APC: variants seen among roughly 807,000 people sequenced by gnomAD.
APC encodes adenomatous polyposis coli protein.
In APC, 72 loss-of-function variants were observed where a neutral mutation model predicts 247.0. That is an observed-to-expected ratio of 0.29 (90% confidence interval 0.24 to 0.35). The LOEUF (loss-of-function observed/expected upper bound fraction) is 0.35. Among genes scored for constraint, APC ranks in the 10% least tolerant of loss-of-function variants. APC has a pLI of 1.00. For synonymous variants in APC, 1,254 were observed against 1,162.5 expected, an observed-to-expected ratio of 1.08 and a Z score of -1.60; for missense variants, 3,400 against 3,360.7, an observed-to-expected ratio of 1.01 and a Z score of -0.29.
chr5:112,802,501 C>G (rs999909123), intron 8 of APC, among the ~76,000 whole-genome samples: 4 of 152,050 alleles, frequency 2.6e-5, no homozygotes, highest in African/African-American at 9.7e-5. Context: ...AGGAATAGAT[C>G]TACTCGTAGT....
rs761133356 is a variant in APC at position 112,843,261 on chromosome 5, C to T, written c.7667C>T (p.Ser2556Leu). The part of the protein sequence containing the change: ...TWKREHSKHS[S>L]SLPRVSTWRR... ...AAACGTGAGCACAGCAAACATTCAT[C>T]ATCCCTTCCTCGAGTAAGCACTTGG... The change falls in exon 16 of 16, where the codon TCA (serine) becomes TTA (leucine). Residue 2556 changes from serine to leucine, a missense_variant. Ser to Leu is a moderately radical substitution (Grantham distance 145, BLOSUM62 -2). Coordinates refer to ENST00000257430, the MANE Select transcript of APC (RefSeq NM_000038.6). This position sits in a 1 kb window ranked among gnomAD's most constrained non-coding sequence, Gnocchi z 4.8. The T allele has an allele frequency of 2.5e-6, 4 of 1,613,674 alleles. No individual in the cohort carries two copies. Among genetic ancestry groups the T allele is most frequent in the Non-Finnish European group, 2.5e-6 (3 of 1,179,606 alleles).
At position 112,801,264 on chromosome 5, in the gene APC, A is replaced by G. The variant is rs750846755; in HGVS notation, c.730-15A>G. ...ACCATTTTTGCATGTACTGATGTTA[A>G]CTCCATCTTAACAGAGGTCATCTCA... On this transcript the variant is annotated splice_polypyrimidine_tract_variant and intron_variant, in intron 7 of 15. Transcript: ENST00000257430. 2.5e-6 allele frequency: 4 copies of G among 1,609,048 alleles called. No homozygotes were observed. The South Asian group carries it at 4.4e-5, about 18-fold the overall frequency.
At chr5:112,777,311 A>G (rs1248578963) in intron 5 of APC, among the ~76,000 whole-genome samples, 2 of 152,188 alleles carry the variant, frequency 1.3e-5, no homozygotes, top group African/African-American at 2.4e-5. Flanking sequence ...GAAACCCAGA[A>G]TGGTCCTTAG....
At chr5:112,714,545 C>G (rs536994060) in intron 1 of APC, among the ~76,000 whole-genome samples, 1 of 152,332 alleles carries the variant, frequency 6.6e-6, no homozygotes, top group South Asian at 2.1e-4. Context: ...TCATTCTGCT[C>G]CATTATTCCC....
At chr5:112,833,128 C>T (rs1361536037) in intron 14 of APC, among the ~76,000 whole-genome samples, 5 of 151,786 alleles carry the variant, frequency 3.3e-5, no homozygotes, top group Non-Finnish European at 7.4e-5. Flanking sequence ...AGCCTCCCGC[C>T]TCAGCTTCTC....
At chr5:112,715,942 G>T (rs1199544295) in intron 1 of APC, among the ~76,000 whole-genome samples, 2 of 151,946 alleles carry the variant, frequency 1.3e-5, no homozygotes, top group African/African-American at 4.8e-5. Flanking sequence ...AATATTCTGT[G>T]GTCCTTTTAA....
rs1763322609 is a variant in APC at position 112,823,284 on chromosome 5, A to G, written c.1408+1293A>G. On this transcript the variant is annotated intron_variant, in intron 11 of 15. Coordinates refer to ENST00000257430, the MANE Select transcript of APC (RefSeq NM_000038.6). ...TTTCAAAATAAAACCTAGACTCAGT[A>G]TTTGTTCCTCTTCCTTCTTCAGGTA... 1.3e-5 allele frequency: 2 copies of G among 152,606 alleles called. 1 individual carries two copies. Among genetic ancestry groups the G allele is most frequent in the African/African-American group, 4.8e-5 (2 of 41,440 alleles). 9.5% of individuals were successfully genotyped at this position (152,606 alleles called of 1,614,324 possible). A position where few individuals can be genotyped will look rare whatever the true frequency, so the allele number is the denominator to read the frequency against.
chr5:112,822,665 A>T (rs1363091289), intron 11 of APC, among the ~76,000 whole-genome samples: 4 of 152,074 alleles, frequency 2.6e-5, no homozygotes, highest in Non-Finnish European at 5.9e-5. Context: ...GGTATTTATA[A>T]ATTGCATCAT....
Position 112,840,146 on chromosome 5 carries a change from A to G in APC, c.4552A>G (p.Lys1518Glu), listed in dbSNP as rs1554085958. Residue 1518 changes from lysine to glutamate, a missense_variant, in exon 16 of 16, where the codon AAA becomes GAA. By Grantham distance (56) the Lys-to-Glu change is moderately conservative. Around this residue, in one of 9 missense-constraint regions of APC, gnomAD observed 1,788 missense variants for 1,649.5 expected, o/e 1.08. Coordinates refer to ENST00000257430, the MANE Select transcript of APC (RefSeq NM_000038.6). The surrounding 1 kb of genome is among the most constrained non-coding windows in gnomAD (Gnocchi z 4.1). Reference protein sequence around the residue: ...ALSLDEPFIQKDVELRIMPPV... With the variant: ...ALSLDEPFIQEDVELRIMPPV... ...GAGCCTCGATGAGCCATTTATACAG[A>G]AAGATGTGGAATTAAGAATAATGCC... The G allele has an allele frequency of 1.2e-6, 2 of 1,614,158 alleles. No individual in the cohort carries two copies. The highest frequency in any genetic ancestry group is 1.7e-6 in the Non-Finnish European group (2 of 1,180,024).
rs370811778 is a variant in APC at position 112,764,014 on chromosome 5, G to A, written c.136-2312G>A. On this transcript the variant is annotated intron_variant, in intron 2 of 15. Transcript: ENST00000257430. Reference sequence around the variant, plus strand: ...GCACTTTGGGAGGCTGACGCGGGCGGATGGTGATGTCAGGAGATCGAGACC... The same window carrying A: ...GCACTTTGGGAGGCTGACGCGGGCGAATGGTGATGTCAGGAGATCGAGACC... 5.9e-5 allele frequency among the ~76,000 whole-genome samples: 9 copies of A among 151,972 alleles called. No individual in the cohort carries two copies. The South Asian group carries it at 1.9e-3, about 32-fold the overall frequency.
rs1060504868 is a variant in APC, at chr5:112,841,459, T to A, written c.5865T>A (p.Ala1955=). 6.2e-7 allele frequency: 1 copy of A among 1,613,752 alleles called. No homozygotes were observed. Among genetic ancestry groups the A allele is most frequent in the Non-Finnish European group, 8.5e-7 (1 of 1,179,764 alleles). ...CTGATGAAAAGTTACAGAATTTTGCTATTGAAAATACTCCGGTTTGCTTTT... is the reference window on the plus strand; with the variant it reads ...CTGATGAAAAGTTACAGAATTTTGCAATTGAAAATACTCCGGTTTGCTTTT... The part of the protein sequence containing the change: ...AATDEKLQNF[A]IENTPVCFSH... The change falls in exon 16 of 16, where the codon GCT becomes GCA. Residue 1955 remains alanine, a synonymous_variant. Transcript: ENST00000257430. The surrounding 1 kb of genome is among the most constrained non-coding windows in gnomAD (Gnocchi z 4.6).
chr5:112,740,934 T>C (rs1288133688), intron 1 of APC, among the ~76,000 whole-genome samples: 1 of 152,236 alleles, frequency 6.6e-6, no homozygotes, highest in Non-Finnish European at 1.5e-5. Flanking sequence ...TATGTTTAAA[T>C]GATCTTTTAT....
In APC at chr5:112,840,144, A is replaced by T. The variant is rs2149917341; in HGVS notation, c.4550A>T (p.Gln1517Leu). 6.2e-7 allele frequency: 1 copy of T among 1,614,190 alleles called. No individual in the cohort carries two copies. Among genetic ancestry groups the T allele is most frequent in the Non-Finnish European group, 8.5e-7 (1 of 1,180,024 alleles). Residue 1517 changes from glutamine (Q) to leucine (L), a missense_variant, in exon 16 of 16, where the codon CAG (glutamine) becomes CTG (leucine). Physicochemically the swap from Gln to Leu is moderately radical, Grantham distance 113. Coordinates refer to ENST00000257430, the MANE Select transcript of APC (RefSeq NM_000038.6). The surrounding 1 kb of genome is among the most constrained non-coding windows in gnomAD (Gnocchi z 4.1). ...SALSLDEPFI[Q>L]KDVELRIMPP... Reference sequence around the variant, plus strand: ...CTGAGCCTCGATGAGCCATTTATACAGAAAGATGTGGAATTAAGAATAATG... The same window carrying T: ...CTGAGCCTCGATGAGCCATTTATACTGAAAGATGTGGAATTAAGAATAATG...
In APC at chr5:112,809,767, C is replaced by T. The variant is rs139493587; in HGVS notation, c.835-5728C>T. ...CCTGTAATCCAGCACTTTGGGAGGCCGAGATGGGCGGATCACGAGGTCAGG... is the reference window on the plus strand; with the variant it reads ...CCTGTAATCCAGCACTTTGGGAGGCTGAGATGGGCGGATCACGAGGTCAGG... On this transcript the variant is annotated intron_variant, in intron 8 of 15. Transcript: ENST00000257430. 7.8e-3 allele frequency among the ~76,000 whole-genome samples: 1,186 copies of T among 152,150 alleles called. 18 individuals are homozygous for T. Among genetic ancestry groups the T allele is most frequent in the Non-Finnish European group, 9.1e-3 (619 of 68,000 alleles).
chr5:112,760,327 G>C (rs970289960), intron 2 of APC, among the ~76,000 whole-genome samples: 3 of 152,210 alleles, frequency 2.0e-5, no homozygotes, highest in African/African-American at 7.2e-5. Flanking sequence ...GCCGAGTCTT[G>C]TAGTGCAGGA....
At chr5:112,800,667 C>G (rs986006049) in intron 7 of APC, among the ~76,000 whole-genome samples, 1 of 151,868 alleles carries the variant, frequency 6.6e-6, no homozygotes, top group African/African-American at 2.4e-5. Context: ...CTGCTTTGTG[C>G]TAGGGATAAT....
intron 1 of APC, among the ~76,000 whole-genome samples, chr5:112,711,820 A>G (rs1192075912): frequency 6.6e-6 from 1 of 152,210 alleles, no homozygotes; most frequent in Non-Finnish European, 1.5e-5. Context: ...CATCAGGGCT[A>G]AGCTCCCATT....
At position 112,839,268 on chromosome 5, in the gene APC, C is replaced by G. The variant is rs1554085218; in HGVS notation, c.3674C>G (p.Ala1225Gly). 6.2e-7 allele frequency: 1 copy of G among 1,614,144 alleles called. No individual in the cohort carries two copies. Among genetic ancestry groups the G allele is most frequent in the Non-Finnish European group, 8.5e-7 (1 of 1,180,030 alleles). The change falls in exon 16 of 16, where the codon GCC (alanine) becomes GGC (glycine). Residue 1225 changes from alanine to glycine, a missense_variant. Physicochemically the swap from Ala to Gly is moderately conservative, Grantham distance 60. Transcript: ENST00000257430. The surrounding 1 kb of genome is among the most constrained non-coding windows in gnomAD (Gnocchi z 5.0). ...SENTSTPSSN[A>G]KRQNQLHPSS... ...AATACGTCCACACCTTCATCTAATGCCAAGAGGCAGAATCAGCTCCATCCA... is the reference window on the plus strand; with the variant it reads ...AATACGTCCACACCTTCATCTAATGGCAAGAGGCAGAATCAGCTCCATCCA...
chr5:112,777,843 C>G (rs926471782), intron 5 of APC: 12 of 243,732 alleles, frequency 4.9e-5, no homozygotes, highest in Non-Finnish European at 9.6e-5. Flanking sequence ...TCTGGCAAAG[C>G]CTTTTAGTTT....
Sources: gnomAD v4.1 joint callset for allele counts (sites outside exome capture counted in the v4.1 genomes callset) on GRCh38, gnomAD v4.1.1 for gene constraint, gnomAD v4.1.1 regional missense constraint, Gnocchi (gnomAD v3.1) non-coding constraint, MANE v1.5 for transcripts, NCBI Gene and HGNC (gene_info 2026-07-23, HGNC 2026-07-21) for gene names.